The following SCT variants were observed in gnomAD, a reference collection of about 807,000 sequenced individuals.
The protein encoded by SCT is prepro-secretin.
A neutral mutation model predicts 10.9 loss-of-function variants in SCT; 17 were observed. The observed-to-expected ratio is 1.55, with a 90% CI of 1.06 to 2.33. SCT has a LOEUF of 2.33. Among genes scored for constraint, SCT ranks in the 30% most tolerant of loss-of-function variants. The pLI is 0.00. For synonymous variants in SCT, 96 were observed against 73.9 expected (o/e 1.30, Z -1.54); for missense variants, 230 against 165.9 (o/e 1.39, Z -2.12).
chr11:626,808 C>CAG lies in SCT; in HGVS notation c.174-21_174-20dup, dbSNP rs545184169. On this transcript the variant is annotated intron_variant, in intron 2 of 3. Transcript: ENST00000176195. ...CTGCTCGCTGCCCCCCGCCCCAAAA[C>CAG]AGAGTTAGTCCTGGAGCTGGGGGGT... 6 of 1,548,514 alleles carry CAG rather than the reference C, an allele frequency of 3.9e-6. No homozygotes were observed. The highest frequency in any genetic ancestry group is 3.9e-5 in the Admixed American group (2 of 50,932).
At position 626,904 on chromosome 11, in the gene SCT, G is replaced by T; in HGVS notation, c.157C>A (p.Leu53Met). Residue 53 changes from leucine to methionine, a missense_variant, in exon 2 of 4, where the codon CTG becomes ATG. Physicochemically the swap from Leu to Met is conservative, Grantham distance 15. Transcript: ENST00000176195. ...CGGCCTCACCTGCGCTTCCCCACCAGGCCCTGTAGCAGCCGCTGGAGCCGC... is the reference window on the plus strand; with the variant it reads ...CGGCCTCACCTGCGCTTCCCCACCATGCCCTGTAGCAGCCGCTGGAGCCGC... The part of the protein sequence containing the change: ...GARLQRLLQG[L>M]VGKRSEQDAE... The T allele has an allele frequency of 1.3e-6, 2 of 1,541,528 alleles. No homozygotes were observed. The highest frequency in any genetic ancestry group is 1.7e-4 in the Middle Eastern group (1 of 5,774).
At position 626,522 on chromosome 11, in the gene SCT, A is replaced by G. The variant is rs1453599773; in HGVS notation, c.275T>C (p.Leu92Pro). Reference protein sequence around the residue: ...NMPILQAWMPLDGTWSPWLPP... With the variant: ...NMPILQAWMPPDGTWSPWLPP... ...CAGCCAGGGAGACCAGGTCCCGTCCAGGGGCATCCTGCAGAGACAGCACGT... is the reference window on the plus strand; with the variant it reads ...CAGCCAGGGAGACCAGGTCCCGTCCGGGGGCATCCTGCAGAGACAGCACGT... Residue 92 changes from leucine to proline, a missense_variant, in exon 4 of 4, where the codon CTG becomes CCG. Physicochemically the swap from Leu to Pro is moderately conservative, Grantham distance 98. Transcript: ENST00000176195. 9 of 1,558,684 alleles carry G rather than the reference A, an allele frequency of 5.8e-6. No homozygotes were observed. Among genetic ancestry groups the G allele is most frequent in the Admixed American group, 1.9e-5 (1 of 51,886 alleles).
chr11:626,368 C>G lies in SCT; in HGVS notation c.*63G>C. ...ACCACCCCTCCCCCTCTCCCCCATC[C>G]TGCCCCCCACCCCAAATGCAGCTGC... On this transcript the variant is annotated 3_prime_UTR_variant, in exon 4 of 4. Transcript: ENST00000176195. 17 of 1,285,038 alleles carry G rather than the reference C, an allele frequency of 1.3e-5. No homozygotes were observed. The highest frequency in any genetic ancestry group is 1.6e-5 in the Non-Finnish European group (15 of 909,484). The allele number at this position is 1,285,038 out of a possible 1,614,324, so 79.6% of individuals were successfully genotyped here.
chr11:626,730 G>A lies in SCT; in HGVS notation c.233C>T (p.Pro78Leu), dbSNP rs3218569. ...WTRLSAGLLC[P>L]SGSNMPILQA... Reference sequence around the variant, plus strand: ...CAGGATGGGCATGTTGGACCCTGACGGGCAGAGCAGACCCGCGCTGAGCCT... The same window carrying A: ...CAGGATGGGCATGTTGGACCCTGACAGGCAGAGCAGACCCGCGCTGAGCCT... The change falls in exon 3 of 4, where the codon CCG becomes CTG. Residue 78 changes from proline (P) to leucine (L), a missense_variant. Pro to Leu is a moderately conservative substitution (Grantham distance 98). Transcript: ENST00000176195. 3.2e-5 allele frequency: 50 copies of A among 1,550,288 alleles called. No individual in the cohort carries two copies. In the East Asian group the frequency reaches 1.2e-3, roughly 36 times the overall value.
chr11:626,671 G>C (rs1857757655), intron 3 of SCT, 26 bp downstream of exon 3: 3 of 1,527,366 alleles, frequency 2.0e-6, no homozygotes, highest in Non-Finnish European at 2.7e-6. Context: ...GTCTGGAGTG[G>C]GGTCTGCGGT....
rs778104342 is a variant in SCT at position 626,839 on chromosome 11, G to A, written c.173+49C>T. ...TAGTCCTGGAGCTGGGGGGTCGCGCGTTGCTGCTGGGGCACCACGCCAGGA... is the reference window on the plus strand; with the variant it reads ...TAGTCCTGGAGCTGGGGGGTCGCGCATTGCTGCTGGGGCACCACGCCAGGA... On this transcript the variant is annotated intron_variant, in intron 2 of 3. Coordinates refer to ENST00000176195, the MANE Select transcript of SCT (RefSeq NM_021920.4). 72 of 1,543,530 alleles carry A rather than the reference G, an allele frequency of 4.7e-5. 3 individuals carry two copies. The South Asian group carries it at 8.3e-4, about 18-fold the overall frequency.
chr11:626,368 C>T lies in SCT; in HGVS notation c.*63G>A. 3 of 1,285,038 alleles carry T rather than the reference C, an allele frequency of 2.3e-6. No individual in the cohort carries two copies. Among genetic ancestry groups the T allele is most frequent in the Non-Finnish European group, 3.3e-6 (3 of 909,484 alleles). 79.6% of individuals were successfully genotyped at this position (1,285,038 alleles called of 1,614,324 possible). On this transcript the variant is annotated 3_prime_UTR_variant, in exon 4 of 4. Coordinates refer to ENST00000176195, the MANE Select transcript of SCT (RefSeq NM_021920.4). ...ACCACCCCTCCCCCTCTCCCCCATC[C>T]TGCCCCCCACCCCAAATGCAGCTGC...
chr11:626,806 AAC>A lies in SCT; in HGVS notation c.174-19_174-18del. ...TCCTGCTCGCTGCCCCCCGCCCCAA[AAC>A]AGAGTTAGTCCTGGAGCTGGGGGGT... On this transcript the variant is annotated intron_variant, in intron 2 of 3. Transcript: ENST00000176195. The A allele has an allele frequency of 1.3e-6, 2 of 1,548,456 alleles. No individual in the cohort carries two copies. Among genetic ancestry groups the A allele is most frequent in the Non-Finnish European group, 1.7e-6 (2 of 1,145,418 alleles).
At chr11:627,020 G>T in intron 1 of SCT, 31 bp from the exon 2 acceptor site, 5 of 780,310 alleles carry the variant, frequency 6.4e-6, no homozygotes, top group Non-Finnish European at 9.0e-6. Context: ...GGGTCAGGGC[G>T]CACTGGGGGC....
chr11:626,559 G>C (rs1056331528), intron 3 of SCT, 29 bp from the exon 4 acceptor site: 20 of 1,533,278 alleles, frequency 1.3e-5, no homozygotes, highest in African/African-American at 2.8e-5. Flanking sequence ...AGGGTCTGAG[G>C]GCTGGGGCTG....
Position 626,883 on chromosome 11 carries a change from C to T in SCT, c.173+5G>A, listed in dbSNP as rs1368293101. 1.3e-6 allele frequency: 2 copies of T among 1,544,142 alleles called. No homozygotes were observed. The highest frequency in any genetic ancestry group is 3.9e-5 in the Admixed American group (2 of 50,928). On this transcript the variant is annotated splice_donor_5th_base_variant and intron_variant, in intron 2 of 3. Transcript: ENST00000176195. ...GCCAGGACCCCCCACCCCACCCGGC[C>T]TCACCTGCGCTTCCCCACCAGGCCC...
At chr11:626,654 G>T in intron 3 of SCT, 43 bp downstream of exon 3, 7 of 1,500,114 alleles carry the variant, frequency 4.7e-6, no homozygotes, top group Non-Finnish European at 6.3e-6. Context: ...GAGGGGTCTG[G>T]GGTGGGGTCT....
chr11:626,832 G>T, intron 2 of SCT, 43 bp from the exon 3 acceptor site: 2 of 1,544,632 alleles, frequency 1.3e-6, no homozygotes, highest in Non-Finnish European at 1.8e-6. Flanking sequence ...GAGCTGGGGG[G>T]TCGCGCGTTG....
Position 626,358 on chromosome 11 carries a change from C to T in SCT, c.*73G>A. The T allele has an allele frequency of 1.8e-6, 2 of 1,142,372 alleles. No individual in the cohort carries two copies. The highest frequency in any genetic ancestry group is 2.5e-6 in the Non-Finnish European group (2 of 784,732). The allele number at this position is 1,142,372 out of a possible 1,614,324, so 70.8% of individuals were successfully genotyped here. ...GGTGCCAAGTACCACCCCTCCCCCT[C>T]TCCCCCATCCTGCCCCCCACCCCAA... is the stretch of plus-strand genomic sequence containing the variant. On this transcript the variant is annotated 3_prime_UTR_variant, in exon 4 of 4. Transcript: ENST00000176195.
Position 626,550 on chromosome 11 carries a change from G to A in SCT, c.267-20C>T, listed in dbSNP as rs1283704656. The A allele has an allele frequency of 1.9e-6, 3 of 1,542,928 alleles. No homozygotes were observed. Among genetic ancestry groups the A allele is most frequent in the Admixed American group, 2.0e-5 (1 of 51,068 alleles). On this transcript the variant is annotated intron_variant, in intron 3 of 3. Coordinates refer to ENST00000176195, the MANE Select transcript of SCT (RefSeq NM_021920.4). Reference sequence around the variant, plus strand: ...GGCATCCTGCAGAGACAGCACGTGAGGGTCTGAGGGCTGGGGCTGGAGACC... The same window carrying A: ...GGCATCCTGCAGAGACAGCACGTGAAGGTCTGAGGGCTGGGGCTGGAGACC...
rs1857766401 is a variant in SCT at position 626,794 on chromosome 11, C to T, written c.174-5G>A. ...CTGTTCTCTGCGTCCTGCTCGCTGC[C>T]CCCCGCCCCAAAACAGAGTTAGTCC... On this transcript the variant is annotated splice_region_variant and splice_polypyrimidine_tract_variant and intron_variant, in intron 2 of 3. Transcript: ENST00000176195. The T allele has an allele frequency of 4.5e-6, 7 of 1,549,122 alleles. No individual in the cohort carries two copies. Among genetic ancestry groups the T allele is most frequent in the Admixed American group, 2.0e-5 (1 of 50,926 alleles).
Position 626,886 on chromosome 11 carries a change from A to T in SCT, c.173+2T>A. 1 of 1,543,484 alleles carries T rather than the reference A, an allele frequency of 6.5e-7. No individual in the cohort carries two copies. The highest frequency in any genetic ancestry group is 8.7e-7 in the Non-Finnish European group (1 of 1,145,896). On this transcript the variant is annotated splice_donor_variant, in intron 2 of 3. Coordinates refer to ENST00000176195, the MANE Select transcript of SCT (RefSeq NM_021920.4). LOFTEE classifies it high-confidence loss of function. ...AGGACCCCCCACCCCACCCGGCCTC[A>T]CCTGCGCTTCCCCACCAGGCCCTGT...
chr11:626,952 G>T lies in SCT; in HGVS notation c.109C>A (p.Leu37Ile), dbSNP rs1857783152. The T allele has an allele frequency of 6.5e-7, 1 of 1,533,900 alleles. No homozygotes were observed. Among genetic ancestry groups the T allele is most frequent in the African/African-American group, 1.4e-5 (1 of 72,994 alleles). Reference protein sequence around the residue: ...RHSDGTFTSELSRLREGARLQ... With the variant: ...RHSDGTFTSEISRLREGARLQ... ...CGCGCGCCCTCCCGCAGGCGGCTGA[G>T]CTCGCTGGTGAACGTCCCGTCTGAG... The change falls in exon 2 of 4, where the codon CTC (leucine) becomes ATC (isoleucine). Residue 37 changes from leucine to isoleucine, a missense_variant. Physicochemically the swap from Leu to Ile is conservative, Grantham distance 5 (BLOSUM62 2). Transcript: ENST00000176195.
chr11:626,579 G>A (rs1390111903), intron 3 of SCT, 49 bp from the exon 4 acceptor site: 64 of 1,505,326 alleles, frequency 4.3e-5, no homozygotes, highest in Non-Finnish European at 5.5e-5. Context: ...GGAGACCCCG[G>A]CCCCGCTGCT....
Sources: gnomAD v4.1 joint callset for allele counts on GRCh38, gnomAD v4.1.1 for gene constraint, MANE v1.5 for transcripts, NCBI Gene and HGNC (gene_info 2026-07-23, HGNC 2026-07-21) for gene names.